Variants in ANKRD16 observed in about 807,000 individuals in gnomAD.
The protein encoded by ANKRD16 is ankyrin repeat domain-containing protein 16.
ANKRD16 carries 35 observed loss-of-function variants against 37.9 expected under a neutral mutation model. The observed-to-expected ratio is 0.92, with a 90% CI of 0.71 to 1.23. The LOEUF (loss-of-function observed/expected upper bound fraction) is 1.23. Among genes scored for constraint, ANKRD16 ranks in the 50% most tolerant of loss-of-function variants. The pLI is 0.00. For missense variants in ANKRD16, 480 were observed against 469.9 expected (o/e 1.02, Z -0.20); for synonymous variants, 206 against 197.2 (o/e 1.04, Z -0.37).
At position 5,870,796 on chromosome 10, in the gene ANKRD16, T is replaced by A. The variant is rs755083756; in HGVS notation, c.*33+7301A>T. Among the ~76,000 whole-genome samples, 3 of 152,134 alleles carry A rather than the reference T, an allele frequency of 2.0e-5. No individual in the cohort carries two copies. The highest frequency in any genetic ancestry group is 2.9e-5 in the Non-Finnish European group (2 of 68,010). ...AACAAGAGACCTGGTTCACCTGTGG[T>A]GAAGCCAGGAGAGGTGTCATGTTGG... On this transcript the variant is annotated intron_variant, in intron 7 of 7. Coordinates refer to ENST00000380094, the MANE Select transcript of ANKRD16 (RefSeq NM_019046.3). The surrounding 1 kb of genome is among the most constrained non-coding windows in gnomAD (Gnocchi z 5.0).
intron 7 of ANKRD16, among the ~76,000 whole-genome samples, chr10:5,873,547 G>A (rs1842136809): frequency 6.6e-6 from 1 of 152,138 alleles, no homozygotes; most frequent in Non-Finnish European, 1.5e-5. Flanking sequence ...GATTATTTTT[G>A]TTTTCTCCTT....
chr10:5,863,590 C>A lies in ANKRD16; in HGVS notation c.*34-899G>T, dbSNP rs1841972007. ...AATAAGAGAATAAAAGCTGGCCACC[C>A]CCTGCCAGCAGCAGCAACCCACTTG... On this transcript the variant is annotated intron_variant, in intron 7 of 7. Coordinates refer to ENST00000380094, the MANE Select transcript of ANKRD16 (RefSeq NM_019046.3). The surrounding 1 kb of genome is among the most constrained non-coding windows in gnomAD (Gnocchi z 4.7). 6.6e-6 allele frequency among the ~76,000 whole-genome samples: 1 copy of A among 152,062 alleles called. No individual in the cohort carries two copies. The highest frequency in any genetic ancestry group is 2.4e-5 in the African/African-American group (1 of 41,390).
At chr10:5,880,197 A>G in intron 6 of ANKRD16, 101 bp downstream of exon 6, 4 of 317,338 alleles carry the variant, frequency 1.3e-5, no homozygotes, top group Non-Finnish European at 2.1e-5. Flanking sequence ...AAAAAAAAAA[A>G]AAAAAAAGGA....
At chr10:5,883,230 GGGCATCTGCT>G in intron 4 of ANKRD16, 63 bp from the exon 5 acceptor site, 1 of 1,549,940 alleles carries the variant, frequency 6.5e-7, no homozygotes. Context: ...ACTTAGATCT[GGGCATCTGCT>G]GGCACTTCAG....
intron 5 of ANKRD16, among the ~76,000 whole-genome samples, chr10:5,881,438 T>TTATAAATATATATAAATA (rs1422263395): frequency 9.8e-5 from 5 of 51,026 alleles, no homozygotes; most frequent in African/African-American, 3.7e-4. Context: ...AAAATATTAT[T>TTATAAATATATATAAATA]TATATATATA....
Position 5,862,848 on chromosome 10 carries a change from G to A in ANKRD16, c.*34-157C>T, listed in dbSNP as rs762475070. 3.0e-4 allele frequency among the ~76,000 whole-genome samples: 46 copies of A among 152,226 alleles called. No homozygotes were observed. Among genetic ancestry groups the A allele is most frequent in the African/African-American group, 1.1e-3 (44 of 41,500 alleles). ...CAGTCAGAGAGGGAGAGTCCCATGCGCAGTTGGAAGGGAGAAGGGAAGGGG... is the reference window on the plus strand; with the variant it reads ...CAGTCAGAGAGGGAGAGTCCCATGCACAGTTGGAAGGGAGAAGGGAAGGGG... On this transcript the variant is annotated intron_variant, in intron 7 of 7. Transcript: ENST00000380094. This position sits in a 1 kb window ranked among gnomAD's most constrained non-coding sequence, Gnocchi z 6.5.
rs994391883 is a variant in ANKRD16, at chr10:5,889,380, G to C, written c.-26C>G. On this transcript the variant is annotated 5_prime_UTR_variant, in exon 1 of 8. Transcript: ENST00000380094. ...CGCCGCGGGTCGGGCCGGGCTGCGC[G>C]GGGAGGCGGCGGGCGGGACACCGGC... The C allele has an allele frequency of 1.3e-5, 15 of 1,192,752 alleles. No individual in the cohort carries two copies. Among genetic ancestry groups the C allele is most frequent in the Non-Finnish European group, 1.6e-5 (15 of 964,426 alleles). 73.9% of individuals were successfully genotyped at this position (1,192,752 alleles called of 1,614,324 possible).
chr10:5,888,202 A>G (rs1842479106), intron 1 of ANKRD16, 135 bp from the exon 2 acceptor site: 5 of 771,246 alleles, frequency 6.5e-6, no homozygotes, highest in Non-Finnish European at 1.0e-5. Flanking sequence ...AGGCAGGAAA[A>G]CAGCTTTGAC....
In ANKRD16 at chr10:5,889,067, C is replaced by G. The variant is rs1239425058; in HGVS notation, c.288G>C (p.Ala96=). The change falls in exon 1 of 8, where the codon GCG becomes GCC. Residue 96 remains alanine, a synonymous_variant. Coordinates refer to ENST00000380094, the MANE Select transcript of ANKRD16 (RefSeq NM_019046.3). The stretch of plus-strand genomic sequence containing the variant: ...AGTCGGCCTTCTTCAGGCAGTCGAC[C>G]GCTGCCCCCCGGCCCAGCAGGTAGC... ...CVRYLLGRGA[A]VDCLKKADWT... 1.1e-5 allele frequency: 17 copies of G among 1,557,602 alleles called. No individual in the cohort carries two copies. Among genetic ancestry groups the G allele is most frequent in the Non-Finnish European group, 1.4e-5 (16 of 1,158,294 alleles).
Position 5,870,686 on chromosome 10 carries a change from T to C in ANKRD16, c.*33+7411A>G, listed in dbSNP as rs115937043. On this transcript the variant is annotated intron_variant, in intron 7 of 7. Transcript: ENST00000380094. This position sits in a 1 kb window ranked among gnomAD's most constrained non-coding sequence, Gnocchi z 5.0. ...CAGGCGTGAGCCACGTGCCTGGCCA[T>C]TGCTATTTTTAAAATGTTGTTTCAA... is the stretch of plus-strand genomic sequence containing the variant. Among the ~76,000 whole-genome samples, 895 of 152,216 alleles carry C rather than the reference T, an allele frequency of 5.9e-3. 13 individuals are homozygous for C. Among genetic ancestry groups the C allele is most frequent in the African/African-American group, 0.021 (856 of 41,534 alleles).
In ANKRD16 at chr10:5,862,450, A is replaced by G. The variant is rs1841956971; in HGVS notation, c.*275T>C. On this transcript the variant is annotated 3_prime_UTR_variant, in exon 8 of 8. Transcript: ENST00000380094. The surrounding 1 kb of genome is among the most constrained non-coding windows in gnomAD (Gnocchi z 6.5). ...CTATCATCCTCAGACTCTTCCAGTC[A>G]ATGGTTGGTGATGTCATCAGCAACC... 2.2e-6 allele frequency: 1 copy of G among 447,640 alleles called. No homozygotes were observed. The highest frequency in any genetic ancestry group is 2.0e-5 in the African/African-American group (1 of 49,004). 27.7% of individuals were successfully genotyped at this position (447,640 alleles called of 1,614,324 possible). A position where few individuals can be genotyped will look rare whatever the true frequency, so the allele number is the denominator to read the frequency against.
intron 1 of ANKRD16, 76 bp from the exon 2 acceptor site, chr10:5,888,143 C>T: frequency 7.4e-7 from 1 of 1,342,466 alleles, no homozygotes; most frequent in Non-Finnish European, 1.1e-6. Context: ...CTTCAAAACA[C>T]ACACATCCTT....
Position 5,889,047 on chromosome 10 carries a change from G to A in ANKRD16, c.308C>T (p.Ala103Val). The A allele has an allele frequency of 6.5e-7, 1 of 1,538,992 alleles. No homozygotes were observed. The highest frequency in any genetic ancestry group is 8.7e-7 in the Non-Finnish European group (1 of 1,148,926). The change falls in exon 1 of 8, where the codon GCC becomes GTC. Residue 103 changes from alanine (A) to valine (V), a missense_variant. By Grantham distance (64) the Ala-to-Val change is moderately conservative (BLOSUM62 0). Coordinates refer to ENST00000380094, the MANE Select transcript of ANKRD16 (RefSeq NM_019046.3). ...RGAAVDCLKK[A>V]DWTPLMMACT... is the part of the protein sequence containing the mutation. ...CTTTCCGCTCCACACCTACCAGTCG[G>A]CCTTCTTCAGGCAGTCGACCGCTGC...
In ANKRD16 at chr10:5,887,724, C is replaced by T. The variant is rs1490628220; in HGVS notation, c.535+123G>A. ...CCTCCCCCCCAGATGTTCTTATTCT[C>T]TGCCTTCTGTTTTCCAAAATCCTCC... is the stretch of plus-strand genomic sequence containing the variant. On this transcript the variant is annotated intron_variant, in intron 2 of 7. Coordinates refer to ENST00000380094, the MANE Select transcript of ANKRD16 (RefSeq NM_019046.3). The T allele has an allele frequency of 2.6e-5, 6 of 227,142 alleles. No homozygotes were observed. In the East Asian group the frequency reaches 8.3e-4, roughly 31 times the overall value. The allele number at this position is 227,142 out of a possible 1,614,324, so 14.1% of individuals were successfully genotyped here.
intron 5 of ANKRD16, among the ~76,000 whole-genome samples, chr10:5,880,639 G>C (rs1312944324): frequency 6.6e-6 from 1 of 152,080 alleles, no homozygotes; most frequent in Non-Finnish European, 1.5e-5. Flanking sequence ...AGGAGCAGGG[G>C]GGGGATTAGG....
chr10:5,884,974 G>T (rs190240417), intron 3 of ANKRD16, among the ~76,000 whole-genome samples: 1 of 152,054 alleles, frequency 6.6e-6, no homozygotes. Context: ...AAACACTGGC[G>T]CTGAGATTCT....
chr10:5,880,389 A>G lies in ANKRD16; in HGVS notation c.850-13T>C, dbSNP rs773835539. 1.9e-6 allele frequency: 3 copies of G among 1,558,732 alleles called. No individual in the cohort carries two copies. On this transcript the variant is annotated splice_polypyrimidine_tract_variant and intron_variant, in intron 5 of 7. Transcript: ENST00000380094. ...TTGTATGTCCTTCCTGAATTGAAAC[A>G]AATTTGTTATCACTGTGATGAGGAT...
In ANKRD16 at chr10:5,868,671, G is replaced by A. The variant is rs617684; in HGVS notation, c.*34-5980C>T. Among the ~76,000 whole-genome samples the A allele has an allele frequency of 0.34, 51,834 of 151,958 alleles. 10,517 individuals are homozygous for A. The highest frequency in any genetic ancestry group is 0.73 in the East Asian group (3,743 of 5,148). On this transcript the variant is annotated intron_variant, in intron 7 of 7. Transcript: ENST00000380094. The surrounding 1 kb of genome is among the most constrained non-coding windows in gnomAD (Gnocchi z 4.9). ...GCAACCCACTCGGGTCCCCTTCCAC[G>A]CTGTGGAAGCTTTGTTCTTTTGCTC...
chr10:5,884,071 T>C lies in ANKRD16; in HGVS notation c.585A>G (p.Gln195=), dbSNP rs3750656. 0.041 allele frequency: 65,794 copies of C among 1,613,490 alleles called. 1,934 individuals are homozygous for C. The highest frequency in any genetic ancestry group is 0.13 in the East Asian group (5,675 of 44,882). Residue 195 remains glutamine (Q), a synonymous_variant, in exon 4 of 8, where the codon CAA becomes CAG. Transcript: ENST00000380094. ...AGTTGTCTCTGTAGTCTGGTTCATA[T>C]TGGCACCTAGAGCCAAAACCCCAAG... ...EAVKVLLKRC[Q]YEPDYRDNCG... is the part of the protein sequence containing the mutation.
Sources: allele counts gnomAD v4.1 joint callset (sites outside exome capture counted in the v4.1 genomes callset), GRCh38; gene constraint gnomAD v4.1.1; non-coding constraint Gnocchi (gnomAD v3.1); transcripts MANE v1.5; gene names NCBI Gene and HGNC (gene_info 2026-07-23, HGNC 2026-07-21).